The following ZMAT1 variants were observed in gnomAD, a reference collection of about 807,000 sequenced individuals.
ZMAT1 encodes zinc finger matrin-type protein 1.
In ZMAT1, 11 loss-of-function variants were observed where a neutral mutation model predicts 18.5. The ratio of observed to expected loss-of-function variants is 0.59; its 90% CI spans 0.37 to 0.98. The LOEUF (loss-of-function observed/expected upper bound fraction) is 0.98. Ranked by LOEUF, ZMAT1 falls within the 50% of genes least tolerant of loss-of-function variation. ZMAT1 has a pLI of 0.01. For missense variants in ZMAT1, 525 were observed against 496.2 expected (o/e 1.06, Z -0.55); for synonymous variants, 211 against 176.4 (o/e 1.20, Z -1.55).
intron 1 of ZMAT1, among the ~76,000 whole-genome samples, chrX:101,930,823 T>C (rs952731879): frequency 8.9e-5 from 10 of 112,503 alleles, no homozygotes; most frequent in African/African-American, 3.2e-4. Flanking sequence ...ATTTTACAGT[T>C]TGCTATTAGT....
chrX:101,914,062 T>C (rs1222832116), intron 1 of ZMAT1, among the ~76,000 whole-genome samples: 2 of 111,293 alleles, frequency 1.8e-5, no homozygotes, highest in Non-Finnish European at 3.8e-5. Context: ...TACAAATACA[T>C]GGAAATTAAA....
chrX:101,892,068 G>A (rs1292012527), intron 4 of ZMAT1, among the ~76,000 whole-genome samples: 2 of 111,038 alleles, frequency 1.8e-5, no homozygotes, highest in Admixed American at 1.9e-4. Flanking sequence ...AGTGTGAAGA[G>A]AAGGAGTGTA....
chrX:101,884,252 AAAG>A lies in ZMAT1; in HGVS notation c.1343_1345del (p.Ser448del). On this transcript the variant is annotated inframe_deletion, in exon 6 of 6. Coordinates refer to ENST00000651725, the MANE Select transcript of ZMAT1 (RefSeq NM_001394560.1). The stretch of plus-strand genomic sequence containing the variant: ...TATGTAATCTTCAAGTTCATCTTGG[AAAG>A]AATCATATGTCCTCTTTGAATGGGT... The A allele has an allele frequency of 8.3e-7, 1 of 1,209,087 alleles. No homozygotes were observed. Among genetic ancestry groups the A allele is most frequent in the Non-Finnish European group, 1.1e-6 (1 of 894,396 alleles).
chrX:101,911,571 C>CT, intron 1 of ZMAT1: 7 of 1,142,910 alleles, frequency 6.1e-6, no homozygotes, highest in Admixed American at 2.3e-5. Context: ...GGGAGAAGCC[C>CT]TATGAATGCA....
chrX:101,891,629 C>T (rs991722767), intron 4 of ZMAT1, among the ~76,000 whole-genome samples: 1 of 110,862 alleles, frequency 9.0e-6, no homozygotes, highest in Non-Finnish European at 1.9e-5. Context: ...GAATGCCATT[C>T]TTTAAAGAAA....
At chrX:101,918,473 CACACACACACAA>C (rs1209149041) in intron 1 of ZMAT1, 1 of 107,476 alleles carries the variant, frequency 9.3e-6, no homozygotes, top group African/African-American at 3.4e-5. Flanking sequence ...CACACACACA[CACACACACACAA>C]AAATTAGCTG....
chrX:101,886,812 T>A, intron 4 of ZMAT1, 81 bp from the exon 5 acceptor site: 1 of 671,280 alleles, frequency 1.5e-6, no homozygotes, highest in Non-Finnish European at 2.2e-6. Context: ...GGACCAAAAA[T>A]TTATTAGAGA....
At chrX:101,893,530 G>A (rs1186813130) in intron 4 of ZMAT1, among the ~76,000 whole-genome samples, 1 of 111,606 alleles carries the variant, frequency 9.0e-6, no homozygotes, top group African/African-American at 3.3e-5. Flanking sequence ...TAGAAAACAG[G>A]ATAAGCACTC....
intron 2 of ZMAT1, among the ~76,000 whole-genome samples, chrX:101,902,254 A>G (rs1928291317): frequency 9.0e-6 from 1 of 111,567 alleles, no homozygotes; most frequent in African/African-American, 3.2e-5. Context: ...TATTCTATGG[A>G]CTGTTCACAT....
chrX:101,884,371 A>G lies in ZMAT1; in HGVS notation c.1227T>C (p.Cys409=). ...AAGCCTCATGTGAAAATCTTTGCTCACACATTCTTGATCTGGGTCCAGAAT... is the reference window on the plus strand; with the variant it reads ...AAGCCTCATGTGAAAATCTTTGCTCGCACATTCTTGATCTGGGTCCAGAAT... ...MVDSGPRSRM[C]EQRFSHEASQ... The change falls in exon 6 of 6, where the codon TGT becomes TGC. Residue 409 remains cysteine, a synonymous_variant. Transcript: ENST00000651725. 1 of 1,209,580 alleles carries G rather than the reference A, an allele frequency of 8.3e-7. No individual in the cohort carries two copies. Among genetic ancestry groups the G allele is most frequent in the African/African-American group, 1.7e-5 (1 of 57,179 alleles).
At chrX:101,903,004 T>C (rs748306752) in intron 2 of ZMAT1, among the ~76,000 whole-genome samples, 11 of 111,697 alleles carry the variant, frequency 9.8e-5, no homozygotes, top group Admixed American at 1.9e-4. Context: ...AGTGATAGAA[T>C]TATAATTTAT....
chrX:101,883,620 C>A lies in ZMAT1; in HGVS notation c.1978G>T (p.Asp660Tyr), dbSNP rs1477857437. The A allele has an allele frequency of 1.7e-6, 2 of 1,209,510 alleles. No homozygotes were observed. The highest frequency in any genetic ancestry group is 1.8e-5 in the South Asian group (1 of 56,801). ...LKHRKKKKSH[D>Y]VPSEKEERKH... ...CGTTCTTCTTTCTCGGAGGGTACAT[C>A]ATGGCTTTTTTTCTTTTTTCGATGC... The change falls in exon 6 of 6, where the codon GAT becomes TAT. Residue 660 changes from aspartate (D) to tyrosine (Y), a missense_variant. Physicochemically the swap from Asp to Tyr is radical, Grantham distance 160 (BLOSUM62 -3). Transcript: ENST00000651725.
Position 101,920,987 on chromosome X carries a change from A to T in ZMAT1, c.292+10730T>A, listed in dbSNP as rs769196802. ...TTGCCATCTAGAATGGTACTTATCA[A>T]GCTAAATTATGCTTTAGTCTAACAT... On this transcript the variant is annotated intron_variant, in intron 1 of 5. Coordinates refer to ENST00000651725, the MANE Select transcript of ZMAT1 (RefSeq NM_001394560.1). 3.6e-5 allele frequency among the ~76,000 whole-genome samples: 4 copies of T among 110,425 alleles called. No individual in the cohort carries two copies. The South Asian group carries it at 1.6e-3, about 43-fold the overall frequency.
intron 1 of ZMAT1, among the ~76,000 whole-genome samples, chrX:101,929,417 GAGAGATT>G (rs948868454): frequency 2.7e-5 from 1 of 36,924 alleles, no homozygotes; most frequent in African/African-American, 1.1e-4. Flanking sequence ...TATATATAGA[GAGAGATT>G]ATATATATAT....
At chrX:101,931,273 C>T (rs1930461583) in intron 1 of ZMAT1, among the ~76,000 whole-genome samples, 1 of 111,981 alleles carries the variant, frequency 8.9e-6, no homozygotes, top group South Asian at 3.7e-4. Flanking sequence ...GGTATTTCCT[C>T]TTTTATCTCC....
At chrX:101,904,197 AC>A (rs777024167) in intron 2 of ZMAT1, 26 bp downstream of exon 2, 1 of 1,101,062 alleles carries the variant, frequency 9.1e-7, no homozygotes, top group South Asian at 2.0e-5. Context: ...CCTGCTTTAG[AC>A]CCTACTTCCA....
Position 101,914,923 on chromosome X carries a change from G to A in ZMAT1, c.293-10593C>T, listed in dbSNP as rs1324271121. ...CAGGCCAAGATCTCTGATGAATATT[G>A]ATGCAAAAATCCTCAACAAAATATA... On this transcript the variant is annotated intron_variant, in intron 1 of 5. Coordinates refer to ENST00000651725, the MANE Select transcript of ZMAT1 (RefSeq NM_001394560.1). 2.7e-5 allele frequency among the ~76,000 whole-genome samples: 3 copies of A among 111,432 alleles called. No individual in the cohort carries two copies. The East Asian group carries it at 8.4e-4, about 31-fold the overall frequency.
At chrX:101,905,363 G>A (rs1211161543) in intron 1 of ZMAT1, among the ~76,000 whole-genome samples, 7 of 112,226 alleles carry the variant, frequency 6.2e-5, no homozygotes, top group African/African-American at 2.3e-4. Context: ...TACACTTGAG[G>A]TCTATAGTGT....
At chrX:101,927,770 G>C (rs1286968796) in intron 1 of ZMAT1, among the ~76,000 whole-genome samples, 1 of 111,863 alleles carries the variant, frequency 8.9e-6, no homozygotes, top group Non-Finnish European at 1.9e-5. Flanking sequence ...ATTCCAACAG[G>C]TTAGTAAATG....
Sources: allele counts gnomAD v4.1 joint callset (sites outside exome capture counted in the v4.1 genomes callset), GRCh38; gene constraint gnomAD v4.1.1; transcripts MANE v1.5; gene names NCBI Gene and HGNC (gene_info 2026-07-23, HGNC 2026-07-21).